The following HEMK2 variants were observed in gnomAD, a reference collection of about 807,000 sequenced individuals.
HEMK2 encodes the protein HemK methyltransferase 2, ETF1 glutamine and histone H4 lysine, also known as methyltransferase HEMK2.
the HEMK2 span, among the ~76,000 whole-genome samples, chr21:28,588,690 T>C: frequency 6.6e-6 from 1 of 151,880 alleles, no homozygotes. Context: ...GCTAAAAGGA[T>C]CCGGGTGCGG....
the HEMK2 span, among the ~76,000 whole-genome samples, chr21:28,620,488 A>C: frequency 6.6e-6 from 1 of 151,804 alleles, no homozygotes; most frequent in African/African-American, 2.4e-5. Context: ...TTCCTGGTTT[A>C]GTCTTGGAGG....
the HEMK2 span, among the ~76,000 whole-genome samples, chr21:28,832,536 C>A: frequency 6.6e-6 from 1 of 152,166 alleles, no homozygotes; most frequent in Admixed American, 6.5e-5. Context: ...AGGGTGGATT[C>A]TGCTGCAACA....
At chr21:28,677,611 C>A in the HEMK2 span, among the ~76,000 whole-genome samples, 1 of 152,236 alleles carries the variant, frequency 6.6e-6, no homozygotes, top group Non-Finnish European at 1.5e-5. Flanking sequence ...CAAGTGGGTC[C>A]CTGACCCCCG....
chr21:28,797,721 A>G, the HEMK2 span, among the ~76,000 whole-genome samples: 1 of 152,216 alleles, frequency 6.6e-6, no homozygotes, highest in African/African-American at 2.4e-5. Flanking sequence ...AAATAGGCAC[A>G]AGATAATAAA....
the HEMK2 span, among the ~76,000 whole-genome samples, chr21:28,624,586 A>C: frequency 6.6e-6 from 1 of 152,194 alleles, no homozygotes; most frequent in Non-Finnish European, 1.5e-5. Context: ...TCACTGTCCT[A>C]AGACAATAGT....
the HEMK2 span, among the ~76,000 whole-genome samples, chr21:28,871,848 G>A: frequency 0.49 from 73,951 of 151,928 alleles, 20,367 homozygotes; most frequent in Non-Finnish European, 0.62. Flanking sequence ...TTTACTCATT[G>A]ACTCATCACT....
chr21:28,774,220 C>G, the HEMK2 span, among the ~76,000 whole-genome samples: 83,103 of 152,002 alleles, frequency 0.55, 26,016 homozygotes, highest in African/African-American at 0.85. Flanking sequence ...AGCTGTCTCA[C>G]GTTTCTCCTG....
At chr21:28,883,592 A>G in the HEMK2 span, among the ~76,000 whole-genome samples, 5 of 152,054 alleles carry the variant, frequency 3.3e-5, no homozygotes, top group African/African-American at 9.7e-5. Flanking sequence ...CTGGACAGCT[A>G]TATGCTAATT....
chr21:28,665,685 T>G, the HEMK2 span, among the ~76,000 whole-genome samples: 1 of 151,314 alleles, frequency 6.6e-6, no homozygotes, highest in African/African-American at 2.4e-5. Flanking sequence ...TGGCGATTCC[T>G]CAGGGATCTA....
chr21:28,775,387 T>C, the HEMK2 span, among the ~76,000 whole-genome samples: 1 of 152,130 alleles, frequency 6.6e-6, no homozygotes, highest in Non-Finnish European at 1.5e-5. Flanking sequence ...GAAAACAAAG[T>C]CCAGAAAAGA....
At chr21:28,765,882 G>A in the HEMK2 span, among the ~76,000 whole-genome samples, 1 of 152,042 alleles carries the variant, frequency 6.6e-6, no homozygotes, top group South Asian at 2.1e-4. Context: ...TTAATCAACA[G>A]GGAAATGCAA....
chr21:28,868,402 C>T, the HEMK2 span, among the ~76,000 whole-genome samples: 2 of 152,158 alleles, frequency 1.3e-5, no homozygotes, highest in Non-Finnish European at 2.9e-5. Context: ...ATCTTTTAGG[C>T]TGTGCATGGT....
At chr21:28,866,023 GCAGGCA>G in the HEMK2 span, among the ~76,000 whole-genome samples, 105 of 151,388 alleles carry the variant, frequency 6.9e-4, no homozygotes, top group African/African-American at 2.5e-3. Context: ...ATAAGTTTTG[GCAGGCA>G]CAGTGACTCA....
the HEMK2 span, chr21:28,874,603 G>A: frequency 6.6e-6 from 1 of 152,240 alleles, no homozygotes; most frequent in African/African-American, 2.4e-5. Context: ...GTGATGACAG[G>A]TGTGGCTGGA....
the HEMK2 span, among the ~76,000 whole-genome samples, chr21:28,721,671 C>T: frequency 6.6e-6 from 1 of 152,016 alleles, no homozygotes; most frequent in Non-Finnish European, 1.5e-5. Flanking sequence ...TACTTACATC[C>T]TACTTACTCT....
chr21:28,591,220 T>C, the HEMK2 span, among the ~76,000 whole-genome samples: 2 of 152,178 alleles, frequency 1.3e-5, no homozygotes, highest in African/African-American at 4.8e-5. Context: ...AAAGATTACA[T>C]ATAAAAACAC....
At chr21:28,617,747 T>C in the HEMK2 span, among the ~76,000 whole-genome samples, 1 of 152,022 alleles carries the variant, frequency 6.6e-6, no homozygotes, top group African/African-American at 2.4e-5. Flanking sequence ...ATAAGAATGC[T>C]TGATTCATCT....
At chr21:28,623,465 C>A in the HEMK2 span, among the ~76,000 whole-genome samples, 1 of 152,180 alleles carries the variant, frequency 6.6e-6, no homozygotes, top group Non-Finnish European at 1.5e-5. Flanking sequence ...ATCATTTCAC[C>A]CAGCAATCCC....
chr21:28,724,374 T>A, the HEMK2 span, among the ~76,000 whole-genome samples: 1 of 152,232 alleles, frequency 6.6e-6, no homozygotes, highest in East Asian at 1.9e-4. Flanking sequence ...TTTTATAACT[T>A]TAGAGTTAAA....
Sources: allele counts gnomAD v4.1 joint callset (sites outside exome capture counted in the v4.1 genomes callset), GRCh38; gene constraint gnomAD v4.1.1; transcripts MANE v1.5; gene names NCBI Gene and HGNC (gene_info 2026-07-23, HGNC 2026-07-21).